Variants in ADAMTS16 observed in about 807,000 individuals in gnomAD.
ADAMTS16 encodes A disintegrin and metalloproteinase with thrombospondin motifs 16.
ADAMTS16 carries 94 observed loss-of-function variants against 145.8 expected under a neutral mutation model. That is an observed-to-expected ratio of 0.64 (90% CI 0.55 to 0.77). ADAMTS16 has a LOEUF of 0.77. ADAMTS16 is among the 30% of genes least tolerant of loss of function. ADAMTS16 has a pLI of 0.00. For synonymous variants in ADAMTS16, 659 were observed against 604.3 expected (o/e 1.09, Z -1.33); for missense variants, 1,585 against 1,591.5 (o/e 1.00, Z 0.07).
intron 3 of ADAMTS16, among the ~76,000 whole-genome samples, chr5:5,147,778 T>G (rs927654643): frequency 1.3e-5 from 2 of 152,240 alleles, no homozygotes; most frequent in Non-Finnish European, 2.9e-5. Flanking sequence ...CACAAGGGCT[T>G]AAGCCAGAAA....
At position 5,182,148 on chromosome 5, in the gene ADAMTS16, C is replaced by T. The variant is rs747296753; in HGVS notation, c.606C>T (p.His202=). 9.3e-6 allele frequency: 15 copies of T among 1,613,994 alleles called. No homozygotes were observed. The highest frequency in any genetic ancestry group is 1.6e-4 in the Middle Eastern group (1 of 6,084). ...CTGCCCAAGGCAGCTCGCCATCCCA[C>T]GTACTGTACAAGAGATCCACAGAGC... ...GRAAQGSSPS[H]VLYKRSTEPH... Residue 202 remains histidine, a synonymous_variant, in exon 4 of 23, where the codon CAC becomes CAT. Coordinates refer to ENST00000274181, the MANE Select transcript of ADAMTS16 (RefSeq NM_139056.4).
In ADAMTS16 at chr5:5,318,250, C is replaced by T. The variant is rs780676285; in HGVS notation, c.3528C>T (p.Asn1176=). The T allele has an allele frequency of 8.4e-6, 13 of 1,553,898 alleles. No individual in the cohort carries two copies. The highest frequency in any genetic ancestry group is 1.9e-5 in the Admixed American group (1 of 53,512). Residue 1176 remains asparagine (N), a synonymous_variant, in exon 22 of 23, where the codon AAC becomes AAT. Transcript: ENST00000274181. ...AGCCTTCGGCCTCCCTGGCCTGCAACACTCACTTCTGCCCCATTGCAGAGA... is the reference window on the plus strand; with the variant it reads ...AGCCTTCGGCCTCCCTGGCCTGCAATACTCACTTCTGCCCCATTGCAGAGA... ...HQKPSASLAC[N]THFCPIAEKK... is the part of the protein sequence containing the mutation.
chr5:5,311,328 A>G (rs2126531103), intron 21 of ADAMTS16, among the ~76,000 whole-genome samples: 1 of 152,060 alleles, frequency 6.6e-6, no homozygotes, highest in South Asian at 2.1e-4. Context: ...CAAAAAAACA[A>G]AAAAACATTC....
chr5:5,267,246 C>T (rs573276972), intron 18 of ADAMTS16, among the ~76,000 whole-genome samples: 75 of 152,252 alleles, frequency 4.9e-4, no homozygotes, highest in Non-Finnish European at 8.2e-4. Flanking sequence ...GCATGTGTTA[C>T]GGTGTGCTCT....
intron 10 of ADAMTS16, among the ~76,000 whole-genome samples, chr5:5,222,013 C>T (rs1364916246): frequency 6.6e-6 from 1 of 152,208 alleles, no homozygotes; most frequent in Admixed American, 6.5e-5. Flanking sequence ...AGTCTACCGC[C>T]AGCATTCCAG....
intron 5 of ADAMTS16, 49 bp downstream of exon 5, chr5:5,186,300 G>A (rs13165179): frequency 1.1e-5 from 14 of 1,219,028 alleles, no homozygotes; most frequent in Non-Finnish European, 1.6e-5. Context: ...GCACTTCGTA[G>A]GGTGTGTGTG....
chr5:5,204,730 C>T (rs1054829688), intron 9 of ADAMTS16, among the ~76,000 whole-genome samples: 2 of 152,156 alleles, frequency 1.3e-5, no homozygotes, highest in African/African-American at 2.4e-5. Flanking sequence ...TTACAAGGAA[C>T]AGCACTGTGA....
chr5:5,311,325 A>C (rs7704687), intron 21 of ADAMTS16, among the ~76,000 whole-genome samples: 7 of 148,488 alleles, frequency 4.7e-5, no homozygotes, highest in Non-Finnish European at 8.9e-5. Context: ...AAACAAAAAA[A>C]CAAAAAAACA....
At chr5:5,257,087 C>T (rs1459973745) in intron 17 of ADAMTS16, among the ~76,000 whole-genome samples, 1 of 152,142 alleles carries the variant, frequency 6.6e-6, no homozygotes, top group Non-Finnish European at 1.5e-5. Flanking sequence ...ATTTAATAGT[C>T]TCTCAGCCCT....
chr5:5,160,714 G>A (rs577366272), intron 3 of ADAMTS16, among the ~76,000 whole-genome samples: 1 of 150,344 alleles, frequency 6.7e-6, no homozygotes, highest in East Asian at 2.0e-4. Flanking sequence ...TAGTGAAAGT[G>A]CACCTGATCT....
intron 6 of ADAMTS16, among the ~76,000 whole-genome samples, 190 bp downstream of exon 6, chr5:5,187,998 GT>G (rs936877228): frequency 3.9e-5 from 6 of 152,088 alleles, no homozygotes; most frequent in Admixed American, 3.3e-4. Flanking sequence ...TTTTTGTGGG[GT>G]TTTTTGTGCA....
chr5:5,224,307 TGA>T (rs1243814229), intron 11 of ADAMTS16, among the ~76,000 whole-genome samples: 1 of 98,772 alleles, frequency 1.0e-5, no homozygotes, highest in East Asian at 2.1e-4. Flanking sequence ...TTCTGTTTTT[TGA>T]GACAGAGTCT....
chr5:5,149,058 C>T (rs187904435), intron 3 of ADAMTS16, among the ~76,000 whole-genome samples: 15 of 152,260 alleles, frequency 9.9e-5, no homozygotes, highest in African/African-American at 3.6e-4. Context: ...CTGGCATCTG[C>T]CAAGCTCACA....
chr5:5,269,926 G>A lies in ADAMTS16; in HGVS notation c.2789+7143G>A, dbSNP rs1738400148. Among the ~76,000 whole-genome samples, 1 of 152,206 alleles carries A rather than the reference G, an allele frequency of 6.6e-6. No homozygotes were observed. The highest frequency in any genetic ancestry group is 2.4e-5 in the African/African-American group (1 of 41,450). ...GAGGGCCAGTCTAGGGGAAGCTGGA[G>A]CTGATGTGTCCTACAGCAAGTAGAA... On this transcript the variant is annotated intron_variant, in intron 18 of 22. Coordinates refer to ENST00000274181, the MANE Select transcript of ADAMTS16 (RefSeq NM_139056.4). The surrounding 1 kb of genome is among the most constrained non-coding windows in gnomAD (Gnocchi z 4.3).
At chr5:5,305,006 T>C (rs1411442296) in intron 20 of ADAMTS16, among the ~76,000 whole-genome samples, 179 of 26,934 alleles carry the variant, frequency 6.6e-3, no homozygotes, top group Non-Finnish European at 7.7e-3. Context: ...CACACACACA[T>C]CCCACACCAC....
rs142068285 is a variant in ADAMTS16 at position 5,302,296 on chromosome 5, A to G, written c.2790-972A>G. Among the ~76,000 whole-genome samples, 21 of 152,366 alleles carry G rather than the reference A, an allele frequency of 1.4e-4. No homozygotes were observed. The East Asian group carries it at 4.1e-3, about 29-fold the overall frequency. ...GTTGATGGGGTCTACTTTAATCACC[A>G]GGAAAGAAAAACACATTTACAAGCA... On this transcript the variant is annotated intron_variant, in intron 18 of 22. Transcript: ENST00000274181.
chr5:5,234,909 T>C lies in ADAMTS16; in HGVS notation c.1851-105T>C, dbSNP rs1737050791. On this transcript the variant is annotated intron_variant, in intron 12 of 22. Transcript: ENST00000274181. ...AAAAAGAATCCACTTTTTTCCTAAT[T>C]ACCCATTCTAACACTCTTAGCTTCA... 3.6e-6 allele frequency: 3 copies of C among 822,534 alleles called. No homozygotes were observed. The East Asian group carries it at 1.1e-4, about 30-fold the overall frequency. The allele number at this position is 822,534 out of a possible 1,614,324, so 51.0% of individuals were successfully genotyped here. A position where few individuals can be genotyped will look rare whatever the true frequency, so the allele number is the denominator to read the frequency against.
At chr5:5,228,451 C>T (rs549612867) in intron 11 of ADAMTS16, among the ~76,000 whole-genome samples, 4 of 152,032 alleles carry the variant, frequency 2.6e-5, no homozygotes, top group Non-Finnish European at 4.4e-5. Flanking sequence ...CATTTATAGT[C>T]CTAAATTTAA....
intron 17 of ADAMTS16, among the ~76,000 whole-genome samples, chr5:5,257,612 T>TAAAG (rs1288615103): frequency 6.6e-6 from 1 of 152,228 alleles, no homozygotes; most frequent in East Asian, 1.9e-4. Flanking sequence ...CAAATGTGCA[T>TAAAG]AAAGCTGAGC....
Sources: allele counts gnomAD v4.1 joint callset (sites outside exome capture counted in the v4.1 genomes callset), GRCh38; gene constraint gnomAD v4.1.1; non-coding constraint Gnocchi (gnomAD v3.1); transcripts MANE v1.5; gene names NCBI Gene and HGNC (gene_info 2026-07-23, HGNC 2026-07-21).